Variants in RBSN observed in about 807,000 individuals in gnomAD.
The protein encoded by RBSN is rabenosyn, RAB effector.
Under a neutral mutation model 60.5 loss-of-function variants are expected in RBSN, and 34 were observed. That is an observed-to-expected ratio of 0.56 (90% CI 0.43 to 0.75). The LOEUF (loss-of-function observed/expected upper bound fraction) is 0.75. RBSN is among the 30% of genes least tolerant of loss of function. RBSN has a pLI of 0.00. For missense variants in RBSN, 845 were observed against 986.8 expected (o/e 0.86, Z 1.92); for synonymous variants, 322 against 366.9 (o/e 0.88, Z 1.40).
chr3:15,079,672 C>G (rs1177776029), intron 10 of RBSN, among the ~76,000 whole-genome samples: 1 of 152,026 alleles, frequency 6.6e-6, no homozygotes, highest in Non-Finnish European at 1.5e-5. Flanking sequence ...GTGAAAGAAG[C>G]CAGACAAGAG....
At chr3:15,092,433 T>G (rs961526263) in intron 4 of RBSN, among the ~76,000 whole-genome samples, 4 of 151,980 alleles carry the variant, frequency 2.6e-5, no homozygotes, top group African/African-American at 9.7e-5. Context: ...GAGACAGAGT[T>G]TCACTCTTGT....
chr3:15,091,665 C>T (rs1288514451), intron 4 of RBSN, among the ~76,000 whole-genome samples: 2 of 152,206 alleles, frequency 1.3e-5, no homozygotes, highest in African/African-American at 2.4e-5. Context: ...AATGAGGAAA[C>T]GACATCAAAG....
intron 5 of RBSN, 96 bp from the exon 6 acceptor site, chr3:15,086,057 A>T: frequency 4.1e-6 from 3 of 728,734 alleles, no homozygotes; most frequent in Admixed American, 2.3e-5. Context: ...TTTCAAAAGC[A>T]GGTTGGTCAA....
chr3:15,070,309 C>T lies in RBSN; in HGVS notation c.*3473G>A, dbSNP rs1489526886. 3 of 152,638 alleles carry T rather than the reference C, an allele frequency of 2.0e-5. No homozygotes were observed. Among genetic ancestry groups the T allele is most frequent in the Non-Finnish European group, 4.4e-5 (3 of 68,040 alleles). The allele number at this position is 152,638 out of a possible 1,614,324, so 9.5% of individuals were successfully genotyped here. ...TCAGAGGTACATTTTAGTATCTGAACAGCAAAGACATATTGAGCTGCAAGT... is the reference window on the plus strand; with the variant it reads ...TCAGAGGTACATTTTAGTATCTGAATAGCAAAGACATATTGAGCTGCAAGT... On this transcript the variant is annotated 3_prime_UTR_variant, in exon 14 of 14. Transcript: ENST00000253699.
At chr3:15,092,717 CA>C (rs2043549548) in intron 4 of RBSN, among the ~76,000 whole-genome samples, 1 of 152,156 alleles carries the variant, frequency 6.6e-6, no homozygotes, top group South Asian at 2.1e-4. Context: ...TGGCCTAAAG[CA>C]GTCTTTTCTA....
At chr3:15,093,943 G>T (rs1381466568) in intron 4 of RBSN, among the ~76,000 whole-genome samples, 1 of 151,782 alleles carries the variant, frequency 6.6e-6, no homozygotes, top group Non-Finnish European at 1.5e-5. Context: ...AAGCTGAAGC[G>T]ATCCTCCCGC....
chr3:15,090,403 C>G lies in RBSN; in HGVS notation c.285G>C (p.Glu95Asp). 2.5e-6 allele frequency: 4 copies of G among 1,613,076 alleles called. No homozygotes were observed. The highest frequency in any genetic ancestry group is 3.4e-6 in the Non-Finnish European group (4 of 1,179,692). ...GVDPYMWEPQ[E>D]LGAVRSHLSD... ...TGAATAAATGAATTTTCTTACCAAG[C>G]TCCTGGGGTTCCCACATGTAAGGAT... The change falls in exon 5 of 14, where the codon GAG becomes GAC. Residue 95 changes from glutamate to aspartate, a missense_variant. Coordinates refer to ENST00000253699, the MANE Select transcript of RBSN (RefSeq NM_022340.4).
At chr3:15,087,282 A>C (rs1383891615) in intron 5 of RBSN, among the ~76,000 whole-genome samples, 1 of 152,174 alleles carries the variant, frequency 6.6e-6, no homozygotes. Flanking sequence ...TGGGAGGCTG[A>C]GGAGCATGGA....
intron 10 of RBSN, among the ~76,000 whole-genome samples, chr3:15,080,371 CT>C (rs199770315): frequency 0.014 from 2,072 of 152,278 alleles, 47 homozygotes; most frequent in African/African-American, 0.047. Flanking sequence ...CAAGTGGCAT[CT>C]ACCCAGACAT....
In RBSN at chr3:15,091,507, C is replaced by A. The variant is rs556247577; in HGVS notation, c.149-968G>T. 6.1e-5 allele frequency: 79 copies of A among 1,284,810 alleles called. No homozygotes were observed. In the African/African-American group the frequency reaches 1.2e-3, roughly 20 times the overall value. 79.6% of individuals were successfully genotyped at this position (1,284,810 alleles called of 1,614,324 possible). On this transcript the variant is annotated intron_variant, in intron 4 of 13. Transcript: ENST00000253699. The stretch of plus-strand genomic sequence containing the variant: ...CAGATATAACATCTACAACATAACA[C>A]AAACAGAACCAGATTGGGTAAGAAG...
rs1464943960 is a variant in RBSN at position 15,084,472 on chromosome 3, CAT to C, written c.598+261_598+262del. ...AAGAAAGAAGAAATGTCACAGCAAC[CAT>C]ATGTGGCCCACAAAGCCTAAATGTA... On this transcript the variant is annotated intron_variant, in intron 8 of 13. Transcript: ENST00000253699. This position sits in a 1 kb window ranked among gnomAD's most constrained non-coding sequence, Gnocchi z 4.2. 6.6e-6 allele frequency among the ~76,000 whole-genome samples: 1 copy of C among 152,170 alleles called. No individual in the cohort carries two copies. The highest frequency in any genetic ancestry group is 1.5e-5 in the Non-Finnish European group (1 of 68,026).
At position 15,077,211 on chromosome 3, in the gene RBSN, G is replaced by T. The variant is rs375981231; in HGVS notation, c.999-47C>A. 6.6e-7 allele frequency: 1 copy of T among 1,513,054 alleles called. No individual in the cohort carries two copies. The highest frequency in any genetic ancestry group is 1.7e-5 in the Admixed American group (1 of 59,816). The allele number at this position is 1,513,054 out of a possible 1,614,324, so 93.7% of individuals were successfully genotyped here. A position where few individuals can be genotyped will look rare whatever the true frequency, so the allele number is the denominator to read the frequency against. ...AATATAATGAGCACTGCCAGCTTCA[G>T]AAACAAGGGTGAAAAGTATAACATC... On this transcript the variant is annotated intron_variant, in intron 11 of 13. Transcript: ENST00000253699. The surrounding 1 kb of genome is among the most constrained non-coding windows in gnomAD (Gnocchi z 4.4).
At position 15,072,496 on chromosome 3, in the gene RBSN, G is replaced by A. The variant is rs531846245; in HGVS notation, c.*1286C>T. The A allele has an allele frequency of 1.3e-5, 2 of 152,232 alleles. No homozygotes were observed. Among genetic ancestry groups the A allele is most frequent in the African/African-American group, 4.8e-5 (2 of 41,462 alleles). 9.4% of individuals were successfully genotyped at this position (152,232 alleles called of 1,614,324 possible). A position where few individuals can be genotyped will look rare whatever the true frequency, so the allele number is the denominator to read the frequency against. On this transcript the variant is annotated 3_prime_UTR_variant, in exon 14 of 14. Coordinates refer to ENST00000253699, the MANE Select transcript of RBSN (RefSeq NM_022340.4). ...TGGAAATTATTTTAATTTAGCTTCT[G>A]ACTCTGGGAAGCTTCCCTTCTTCTG...
chr3:15,082,646 C>T lies in RBSN; in HGVS notation c.599-38G>A. 1.9e-6 allele frequency: 3 copies of T among 1,605,466 alleles called. No homozygotes were observed. Among genetic ancestry groups the T allele is most frequent in the Non-Finnish European group, 1.7e-6 (2 of 1,174,656 alleles). On this transcript the variant is annotated intron_variant, in intron 8 of 13. Transcript: ENST00000253699. This position sits in a 1 kb window ranked among gnomAD's most constrained non-coding sequence, Gnocchi z 4.2. ...CACCAACAGGCAGCAATGACCCCCA[C>T]AGCATCCAATTACCATACCCACGAC...
At position 15,074,285 on chromosome 3, in the gene RBSN, G is replaced by A; in HGVS notation, c.1852C>T (p.Gln618Ter). ...TTTAAGGAGGGCCCCTCATGTTGCT[G>A]TGGCATGCTGCTCTGGGGTAAGCGC... ...QERLPQSSMPQQHEGPSLNPF... is the reference protein window; with the variant it reads ...QERLPQSSMP Residue 618 changes from glutamine (Q) to a stop codon, truncating the protein, a stop_gained, in exon 14 of 14, where the codon CAG becomes TAG. Coordinates refer to ENST00000253699, the MANE Select transcript of RBSN (RefSeq NM_022340.4). LOFTEE classifies it low-confidence loss of function (END_TRUNC). This position sits in a 1 kb window ranked among gnomAD's most constrained non-coding sequence, Gnocchi z 6.4. The A allele has an allele frequency of 6.2e-7, 1 of 1,613,832 alleles. No individual in the cohort carries two copies. The highest frequency in any genetic ancestry group is 1.3e-5 in the African/African-American group (1 of 75,030).
At chr3:15,090,068 T>C (rs368688502) in intron 5 of RBSN, among the ~76,000 whole-genome samples, 3 of 152,306 alleles carry the variant, frequency 2.0e-5, no homozygotes, top group African/African-American at 7.2e-5. Context: ...GAATCATTAA[T>C]GGACTCTATG....
intron 9 of RBSN, chr3:15,081,081 T>C: frequency 2.9e-6 from 1 of 344,722 alleles, no homozygotes. Context: ...TGGCGCGATC[T>C]CCACTCACTG....
chr3:15,087,652 T>G (rs932175927), intron 5 of RBSN, among the ~76,000 whole-genome samples: 2 of 152,220 alleles, frequency 1.3e-5, no homozygotes, highest in African/African-American at 4.8e-5. Flanking sequence ...AGAGTCTCGC[T>G]CTGTCGCCCA....
chr3:15,076,900 C>T (rs76276406), intron 12 of RBSN, among the ~76,000 whole-genome samples, 162 bp downstream of exon 12: 78 of 152,244 alleles, frequency 5.1e-4, no homozygotes, highest in South Asian at 1.5e-3. Context: ...TCTCTGAAAT[C>T]CAGATTTTTC....
Sources: gnomAD v4.1 joint callset for allele counts (sites outside exome capture counted in the v4.1 genomes callset) on GRCh38, gnomAD v4.1.1 for gene constraint, Gnocchi (gnomAD v3.1) non-coding constraint, MANE v1.5 for transcripts, NCBI Gene and HGNC (gene_info 2026-07-23, HGNC 2026-07-21) for gene names.